Variants in ABCA9 observed in about 807,000 individuals in gnomAD.
The protein encoded by ABCA9 is ATP-binding cassette sub-family A member 9.
ABCA9 carries 183 observed loss-of-function variants against 205.3 expected under a neutral mutation model. The ratio of observed to expected loss-of-function variants is 0.89; its 90% confidence interval spans 0.79 to 1.01. ABCA9 has a LOEUF of 1.01. Among genes scored for constraint, ABCA9 ranks in the 50% least tolerant of loss-of-function variants. The probability of loss-of-function intolerance (pLI) is 0.00; values close to 1 mark genes in which losing one functional copy is unlikely to be tolerated. For synonymous variants in ABCA9, 651 were observed against 683.3 expected (o/e 0.95, Z 0.74); for missense variants, 1,805 against 1,912.4 (o/e 0.94, Z 1.05).
chr17:68,990,124 G>A (rs951471924), intron 29 of ABCA9, among the ~76,000 whole-genome samples, 194 bp from the exon 30 acceptor site: 2 of 152,100 alleles, frequency 1.3e-5, no homozygotes, highest in African/African-American at 4.8e-5. Flanking sequence ...ACCATATCCT[G>A]GGATTTGTTC....
chr17:69,033,936 T>A (rs567477249), intron 8 of ABCA9, 63 bp from the exon 9 acceptor site: 1 of 1,332,272 alleles, frequency 7.5e-7, no homozygotes, highest in South Asian at 1.3e-5. Context: ...TTATTATTGT[T>A]TTATTTCTGC....
At chr17:69,035,135 AT>A (rs2071288690) in intron 8 of ABCA9, 110 bp downstream of exon 8, 15 of 993,404 alleles carry the variant, frequency 1.5e-5, no homozygotes, top group Non-Finnish European at 2.0e-5. Flanking sequence ...ATACATGTTT[AT>A]TTTTACAAAA....
In ABCA9 at chr17:69,035,542, T is replaced by A. The variant is rs1047435130; in HGVS notation, c.943-111A>T. ...TTTATATTTTTCCACCCCTAGACACTGTTTCATGCAAATACTACAAAGAGA... is the reference window on the plus strand; with the variant it reads ...TTTATATTTTTCCACCCCTAGACACAGTTTCATGCAAATACTACAAAGAGA... On this transcript the variant is annotated intron_variant, in intron 7 of 38. Coordinates refer to ENST00000340001, the MANE Select transcript of ABCA9 (RefSeq NM_080283.4). 2.1e-6 allele frequency: 3 copies of A among 1,439,040 alleles called. No homozygotes were observed. In the African/African-American group the frequency reaches 4.3e-5, roughly 21 times the overall value. 89.1% of individuals were successfully genotyped at this position (1,439,040 alleles called of 1,614,324 possible). A position where few individuals can be genotyped will look rare whatever the true frequency, so the allele number is the denominator to read the frequency against.
intron 6 of ABCA9, among the ~76,000 whole-genome samples, chr17:69,040,385 T>C (rs2364314): frequency 0.87 from 131,773 of 152,202 alleles, 58,146 homozygotes; most frequent in East Asian, 1. Flanking sequence ...TAAAAAAGAA[T>C]GAGTTCATGT....
At chr17:69,025,331 A>T (rs1231040330) in intron 16 of ABCA9, among the ~76,000 whole-genome samples, 1 of 152,244 alleles carries the variant, frequency 6.6e-6, no homozygotes, top group East Asian at 1.9e-4. Context: ...CTAAGGCAAC[A>T]GTTCAAAATA....
chr17:69,009,931 C>A (rs2070308153), intron 23 of ABCA9, among the ~76,000 whole-genome samples: 1 of 152,024 alleles, frequency 6.6e-6, no homozygotes, highest in Non-Finnish European at 1.5e-5. Flanking sequence ...CATGCAATAT[C>A]TGGAAAATAC....
chr17:69,002,828 T>A (rs1379555287), intron 25 of ABCA9, among the ~76,000 whole-genome samples: 1 of 143,486 alleles, frequency 7.0e-6, no homozygotes, highest in African/African-American at 2.7e-5. Context: ...ATATTTAGGA[T>A]AGTTAGCTCT....
intron 12 of ABCA9, 130 bp downstream of exon 12, chr17:69,028,405 T>G: frequency 2.1e-6 from 1 of 469,684 alleles, no homozygotes; most frequent in Non-Finnish European, 3.8e-6. Context: ...GACCTCATGA[T>G]CCACCTGCCT....
At chr17:69,016,652 T>C (rs768151814) in intron 21 of ABCA9, among the ~76,000 whole-genome samples, 2 of 152,176 alleles carry the variant, frequency 1.3e-5, no homozygotes, top group Non-Finnish European at 2.9e-5. Flanking sequence ...CTTCAAATGA[T>C]ATTTAGCAGC....
chr17:68,996,055 A>G (rs775629656), intron 25 of ABCA9, 41 bp from the exon 26 acceptor site: 3 of 1,581,360 alleles, frequency 1.9e-6, no homozygotes, highest in Non-Finnish European at 1.7e-6. Context: ...AAGTGTACCA[A>G]TCTGAATTTT....
At position 69,029,177 on chromosome 17, in the gene ABCA9, G is replaced by C. The variant is rs2071084369; in HGVS notation, c.1496C>G (p.Ala499Gly). The C allele has an allele frequency of 6.5e-7, 1 of 1,547,902 alleles. No individual in the cohort carries two copies. The change falls in exon 11 of 39, where the codon GCT becomes GGT. Residue 499 changes from alanine (A) to glycine (G), a missense_variant. By Grantham distance (60) the Ala-to-Gly change is moderately conservative. Coordinates refer to ENST00000340001, the MANE Select transcript of ABCA9 (RefSeq NM_080283.4). ...EYAGKCERVE[A>G]LKGVVFDIYE... ...AAATATTATTTTATTACCTTTCAAA[G>C]CTTCTACTCTCTCACACTTCCCTGC...
rs974189221 is a variant in ABCA9 at position 69,012,162 on chromosome 17, A to G, written c.3040-79T>C. ...TGTACTTTCTTAACTAAATCACTCAAATAAATGAATTGAGCTGATCACTCA... is the reference window on the plus strand; with the variant it reads ...TGTACTTTCTTAACTAAATCACTCAGATAAATGAATTGAGCTGATCACTCA... On this transcript the variant is annotated intron_variant, in intron 22 of 38. Transcript: ENST00000340001. The G allele has an allele frequency of 1.2e-5, 12 of 965,192 alleles. No homozygotes were observed. In the African/African-American group the frequency reaches 1.7e-4, roughly 13 times the overall value. The allele number at this position is 965,192 out of a possible 1,614,324, so 59.8% of individuals were successfully genotyped here.
At chr17:69,018,081 A>G in intron 20 of ABCA9, 1 of 374,902 alleles carries the variant, frequency 2.7e-6, no homozygotes, top group Non-Finnish European at 4.7e-6. Flanking sequence ...CTATCTTTTT[A>G]AATTTGAAAC....
At chr17:69,027,839 A>G in intron 12 of ABCA9, 24 bp from the exon 13 acceptor site, 1 of 1,545,578 alleles carries the variant, frequency 6.5e-7, no homozygotes, top group South Asian at 1.2e-5. Flanking sequence ...GCAGAGAGTG[A>G]CCATCAGGAA....
At chr17:69,007,690 C>A in intron 25 of ABCA9, 69 bp downstream of exon 25, 1 of 1,044,798 alleles carries the variant, frequency 9.6e-7, no homozygotes, top group Non-Finnish European at 1.5e-6. Context: ...CTCTGCTTAG[C>A]ACAAAGATTA....
chr17:68,986,355 A>G (rs2069240310), intron 31 of ABCA9, 31 bp from the exon 32 acceptor site: 1 of 1,583,760 alleles, frequency 6.3e-7, no homozygotes, highest in Admixed American at 1.8e-5. Flanking sequence ...CTTAGATTCT[A>G]TCCCAAATGT....
At position 69,033,837 on chromosome 17, in the gene ABCA9, G is replaced by A; in HGVS notation, c.1165C>T (p.His389Tyr). Residue 389 changes from histidine to tyrosine, a missense_variant, in exon 9 of 39, where the codon CAC becomes TAC. Coordinates refer to ENST00000340001, the MANE Select transcript of ABCA9 (RefSeq NM_080283.4). ...HLDYDVNSNA[H>Y]LDSSQNPYLI... is the part of the protein sequence containing the mutation. ...TATGGATTTTGTGAAGAATCCAAGT[G>A]GGCATTAGAATTCACATCATAGTCC... 2.5e-6 allele frequency: 4 copies of A among 1,606,858 alleles called. No homozygotes were observed. Among genetic ancestry groups the A allele is most frequent in the South Asian group, 1.1e-5 (1 of 90,074 alleles).
chr17:68,998,586 A>C (rs558381704), intron 25 of ABCA9, among the ~76,000 whole-genome samples: 15 of 152,186 alleles, frequency 9.9e-5, no homozygotes, highest in Non-Finnish European at 1.8e-4. Context: ...ATATTTTTAT[A>C]CATAGAATTA....
At chr17:69,044,449 G>T in intron 5 of ABCA9, 48 bp downstream of exon 5, 2 of 1,515,932 alleles carry the variant, frequency 1.3e-6, no homozygotes, top group Non-Finnish European at 1.8e-6. Flanking sequence ...TCACCATCCA[G>T]CAAAATTCAA....
Sources: allele counts gnomAD v4.1 joint callset (sites outside exome capture counted in the v4.1 genomes callset), GRCh38; gene constraint gnomAD v4.1.1; transcripts MANE v1.5; gene names NCBI Gene and HGNC (gene_info 2026-07-23, HGNC 2026-07-21).